MARCHF6: variants seen among roughly 807,000 people sequenced by gnomAD.
MARCHF6 encodes the protein E3 ubiquitin-protein ligase MARCHF6.
A neutral mutation model predicts 133.7 loss-of-function variants in MARCHF6; 31 were observed. The ratio of observed to expected loss-of-function variants is 0.23; its 90% CI spans 0.17 to 0.31. MARCHF6 has a LOEUF of 0.31. MARCHF6 is among the 10% of genes least tolerant of loss of function. The pLI, the probability that MARCHF6 is intolerant of heterozygous loss-of-function variation, is 1.00. For synonymous variants in MARCHF6, 395 were observed against 402.5 expected, an observed-to-expected ratio of 0.98 and a Z score of 0.22; for missense variants, 723 against 1,121.6, an observed-to-expected ratio of 0.64 and a Z score of 5.08.
intron 19 of MARCHF6, among the ~76,000 whole-genome samples, chr5:10,412,440 G>A (rs1369303579): frequency 6.6e-6 from 1 of 152,164 alleles, no homozygotes; most frequent in Non-Finnish European, 1.5e-5. Context: ...CCTAGAATAG[G>A]TGGTGCCTGA....
chr5:10,419,720 A>C (rs760963483), intron 22 of MARCHF6, among the ~76,000 whole-genome samples: 2 of 152,196 alleles, frequency 1.3e-5, no homozygotes, highest in Non-Finnish European at 2.9e-5. Context: ...GATTATAGCA[A>C]GGATTGTTAA....
intron 1 of MARCHF6, chr5:10,354,129 G>A (rs1027709979): frequency 3.1e-5 from 11 of 353,990 alleles, no homozygotes; most frequent in African/African-American, 1.9e-4. Context: ...AGGGGGGCGG[G>A]GACCCTGCCG....
At chr5:10,423,556 A>G (rs191724985) in intron 22 of MARCHF6, among the ~76,000 whole-genome samples, 179 bp from the exon 23 acceptor site, 13 of 152,314 alleles carry the variant, frequency 8.5e-5, no homozygotes, top group Admixed American at 8.5e-4. Context: ...ATTGAATTTG[A>G]GCTGTTGAAG....
intron 22 of MARCHF6, 187 bp downstream of exon 22, chr5:10,417,591 G>C: frequency 3.0e-6 from 2 of 661,958 alleles, no homozygotes; most frequent in Non-Finnish European, 5.0e-6. Context: ...ATAAAAAATT[G>C]GCTCATGCGT....
chr5:10,400,568 CA>C (rs1346577409), intron 10 of MARCHF6, among the ~76,000 whole-genome samples: 1 of 152,034 alleles, frequency 6.6e-6, no homozygotes, highest in African/African-American at 2.4e-5. Flanking sequence ...CCTGTTTTCA[CA>C]ATGGTTTCTG....
rs1406074080 is a variant in MARCHF6 at position 10,434,276 on chromosome 5, C to G, written c.*592C>G. 1 of 153,018 alleles carries G rather than the reference C, an allele frequency of 6.5e-6. No individual in the cohort carries two copies. Among genetic ancestry groups the G allele is most frequent in the Non-Finnish European group, 1.5e-5 (1 of 68,404 alleles). The allele number at this position is 153,018 out of a possible 1,614,324, so 9.5% of individuals were successfully genotyped here. ...GAAGTTATTTTGTATAACACCAAAG[C>G]TGTTGTACATTTCCTACTGCCTGAT... On this transcript the variant is annotated 3_prime_UTR_variant, in exon 26 of 26. Coordinates refer to ENST00000274140, the MANE Select transcript of MARCHF6 (RefSeq NM_005885.4).
At chr5:10,393,017 G>A (rs1737967390) in intron 7 of MARCHF6, among the ~76,000 whole-genome samples, 1 of 152,162 alleles carries the variant, frequency 6.6e-6, no homozygotes, top group Non-Finnish European at 1.5e-5. Context: ...GATGAGTGTT[G>A]TGCGGGTTGC....
Position 10,420,988 on chromosome 5 carries a change from TCTTA to T in MARCHF6, c.2284-2744_2284-2741del, listed in dbSNP as rs143317150. On this transcript the variant is annotated intron_variant, in intron 22 of 25. Transcript: ENST00000274140. ...TCCTGTAATAACCCCTTTCTAGCAC[TCTTA>T]CTGAGGGGCCCCAAGTTCTCCATGA... Among the ~76,000 whole-genome samples, 1,037 of 152,232 alleles carry T rather than the reference TCTTA, an allele frequency of 6.8e-3. 12 individuals are homozygous for T. The highest frequency in any genetic ancestry group is 0.023 in the African/African-American group (974 of 41,532).
chr5:10,354,570 G>A (rs1407383038), intron 1 of MARCHF6: 1 of 152,104 alleles, frequency 6.6e-6, no homozygotes, highest in African/African-American at 2.4e-5. Flanking sequence ...TTGTGTTTTG[G>A]ATACGGTTAC....
intron 7 of MARCHF6, among the ~76,000 whole-genome samples, chr5:10,393,872 T>C (rs1317619924): frequency 6.6e-6 from 1 of 152,196 alleles, no homozygotes; most frequent in African/African-American, 2.4e-5. Flanking sequence ...CAATCTAGGA[T>C]TACCTTACTT....
At chr5:10,376,898 A>G (rs540602699) in intron 1 of MARCHF6, among the ~76,000 whole-genome samples, 1 of 152,302 alleles carries the variant, frequency 6.6e-6, no homozygotes, top group African/African-American at 2.4e-5. Context: ...TTAGGCTGAA[A>G]GTGTGCATTA....
rs1738613575 is a variant in MARCHF6 at position 10,402,625 on chromosome 5, T to TATTG, written c.1197+19_1197+22dup. ...GTTCCTTGGTAAGTTGAGTATTCAT[T>TATTG]ATTGTATAATAGCATAATTTAAGGG... On this transcript the variant is annotated intron_variant, in intron 14 of 25. Coordinates refer to ENST00000274140, the MANE Select transcript of MARCHF6 (RefSeq NM_005885.4). 1 of 1,583,854 alleles carries TATTG rather than the reference T, an allele frequency of 6.3e-7. No individual in the cohort carries two copies. Among genetic ancestry groups the TATTG allele is most frequent in the Non-Finnish European group, 8.7e-7 (1 of 1,152,886 alleles).
rs1453276474 is a variant in MARCHF6, at chr5:10,437,260, G to A, written c.*3576G>A. On this transcript the variant is annotated 3_prime_UTR_variant, in exon 26 of 26. Coordinates refer to ENST00000274140, the MANE Select transcript of MARCHF6 (RefSeq NM_005885.4). ...CTTACTGTGAGAAGTTTTCTACATT[G>A]TAAAATTAAAAGATTATATTTAAAA... The A allele has an allele frequency of 2.0e-5, 3 of 152,078 alleles. No individual in the cohort carries two copies. Among genetic ancestry groups the A allele is most frequent in the Non-Finnish European group, 4.4e-5 (3 of 68,026 alleles). 9.4% of individuals were successfully genotyped at this position (152,078 alleles called of 1,614,324 possible).
chr5:10,412,700 C>T (rs9312732), intron 19 of MARCHF6, among the ~76,000 whole-genome samples: 82,229 of 151,856 alleles, frequency 0.54, 23,736 homozygotes, highest in Non-Finnish European at 0.65. Context: ...CTCAGCCGTC[C>T]GATTAGCTGG....
rs1561157703 is a variant in MARCHF6 at position 10,434,412 on chromosome 5, G to C, written c.*728G>C. 1 of 152,456 alleles carries C rather than the reference G, an allele frequency of 6.6e-6. No homozygotes were observed. The highest frequency in any genetic ancestry group is 1.5e-5 in the Non-Finnish European group (1 of 68,030). The allele number at this position is 152,456 out of a possible 1,614,324, so 9.4% of individuals were successfully genotyped here. ...CCTAGTGTGATCAGCATTGGGAGTT[G>C]GGTTTCAGTGGGGCATGTCTATACT... On this transcript the variant is annotated 3_prime_UTR_variant, in exon 26 of 26. Transcript: ENST00000274140.
intron 6 of MARCHF6, 134 bp downstream of exon 6, chr5:10,390,634 A>G (rs958076684): frequency 1.3e-5 from 11 of 878,894 alleles, no homozygotes; most frequent in African/African-American, 3.4e-5. Flanking sequence ...GGCAGCGGAA[A>G]GGTTTGGGTG....
At chr5:10,432,090 A>G (rs1212727251) in intron 25 of MARCHF6, among the ~76,000 whole-genome samples, 1 of 152,238 alleles carries the variant, frequency 6.6e-6, no homozygotes, top group Non-Finnish European at 1.5e-5. Flanking sequence ...AAAAAGTGAC[A>G]TATTAAGCTA....
chr5:10,386,421 T>C (rs868405337), intron 4 of MARCHF6, among the ~76,000 whole-genome samples: 2 of 152,374 alleles, frequency 1.3e-5, no homozygotes, highest in Middle Eastern at 6.8e-3. Context: ...CTTTCTGCCT[T>C]GATAGCAGTT....
chr5:10,377,556 T>A (rs1323510351), intron 1 of MARCHF6, among the ~76,000 whole-genome samples: 1 of 152,234 alleles, frequency 6.6e-6, no homozygotes, highest in Non-Finnish European at 1.5e-5. Flanking sequence ...CGACTTTGAT[T>A]TATTTAAAAT....
Sources: allele counts gnomAD v4.1 joint callset (sites outside exome capture counted in the v4.1 genomes callset), GRCh38; gene constraint gnomAD v4.1.1; transcripts MANE v1.5; gene names NCBI Gene and HGNC (gene_info 2026-07-23, HGNC 2026-07-21).